Variants in TG observed in about 807,000 individuals in gnomAD.
The protein encoded by TG is thyroid hormones.
A neutral mutation model predicts 324.7 loss-of-function variants in TG; 270 were observed. The observed-to-expected ratio is 0.83, with a 90% CI of 0.75 to 0.92. The LOEUF (loss-of-function observed/expected upper bound fraction) is 0.92, where lower values mean the gene tolerates loss of function less well. TG is among the 40% of genes least tolerant of loss of function. TG has a pLI of 0.00. For synonymous variants in TG, 1,401 were observed against 1,327.0 expected (o/e 1.06, Z -1.21); for missense variants, 3,591 against 3,456.4 (o/e 1.04, Z -0.98).
intron 45 of TG, among the ~76,000 whole-genome samples, chr8:133,118,932 T>A (rs549659376): frequency 6.6e-6 from 1 of 152,230 alleles, no homozygotes; most frequent in African/African-American, 2.4e-5. Context: ...TCCTTATAGA[T>A]GAGAGCCAGA....
intron 27 of TG, among the ~76,000 whole-genome samples, chr8:132,952,445 G>C (rs1288990144): frequency 6.6e-6 from 1 of 152,158 alleles, no homozygotes; most frequent in Non-Finnish European, 1.5e-5. Flanking sequence ...GTGCTGGCAG[G>C]CTTCCCAGGC....
intron 2 of TG, among the ~76,000 whole-genome samples, chr8:132,868,750 T>C (rs1305709089): frequency 6.6e-6 from 1 of 152,186 alleles, no homozygotes; most frequent in Non-Finnish European, 1.5e-5. Flanking sequence ...GAAAGGGGTT[T>C]CTCCAGCTGC....
At chr8:133,006,712 A>G (rs766096613) in intron 35 of TG, among the ~76,000 whole-genome samples, 1 of 152,270 alleles carries the variant, frequency 6.6e-6, no homozygotes, top group Non-Finnish European at 1.5e-5. Context: ...TAACCACACA[A>G]CAAAGAGCCT....
intron 35 of TG, chr8:132,983,643 G>C: frequency 1.7e-6 from 1 of 598,830 alleles, no homozygotes; most frequent in East Asian, 2.9e-5. Context: ...AAATTATGTG[G>C]CTGATTGAAG....
rs1176570917 is a variant in TG at position 133,100,881 on chromosome 8, G to A, written c.7572+4508G>A. Among the ~76,000 whole-genome samples, 5 of 152,200 alleles carry A rather than the reference G, an allele frequency of 3.3e-5. No homozygotes were observed. In the South Asian group the frequency reaches 8.3e-4, roughly 25 times the overall value. ...AATAGCCTTAGGGGTTAGCCTAAGT[G>A]AAGTAACTCATGCTCTTACTTTACG... On this transcript the variant is annotated intron_variant, in intron 43 of 47. Transcript: ENST00000220616.
intron 35 of TG, among the ~76,000 whole-genome samples, chr8:133,001,088 C>A (rs971912599): frequency 1.9e-4 from 29 of 152,262 alleles, no homozygotes; most frequent in African/African-American, 6.5e-4. Flanking sequence ...CCCTTTTTTA[C>A]AAGGACACCA....
At position 132,969,934 on chromosome 8, in the gene TG, G is replaced by A. The variant is rs199776863; in HGVS notation, c.5975+365G>A. Reference sequence around the variant, plus strand: ...TCAAAAAAAAAAAAAAAAAAAAAAAGCACAAAAAACTATAAAATCCAAAGC... The same window carrying A: ...TCAAAAAAAAAAAAAAAAAAAAAAAACACAAAAAACTATAAAATCCAAAGC... On this transcript the variant is annotated intron_variant, in intron 32 of 47. Coordinates refer to ENST00000220616, the MANE Select transcript of TG (RefSeq NM_003235.5). Among the ~76,000 whole-genome samples the A allele has an allele frequency of 3.0e-3, 296 of 99,454 alleles. 1 individual carries two copies. Among genetic ancestry groups the A allele is most frequent in the African/African-American group, 9.4e-3 (246 of 26,100 alleles). 65.2% of individuals were successfully genotyped at this position (99,454 alleles called of 152,430 possible). A position where few individuals can be genotyped will look rare whatever the true frequency, so the allele number is the denominator to read the frequency against.
intron 43 of TG, among the ~76,000 whole-genome samples, chr8:133,097,101 A>C (rs897251303): frequency 6.6e-6 from 1 of 152,240 alleles, no homozygotes; most frequent in Non-Finnish European, 1.5e-5. Context: ...TAAAGCACAA[A>C]GAGAGGACAA....
Position 132,900,268 on chromosome 8 carries a change from G to C in TG, c.3362G>C (p.Gly1121Ala). 6.2e-7 allele frequency: 1 copy of C among 1,614,050 alleles called. No homozygotes were observed. The highest frequency in any genetic ancestry group is 2.2e-5 in the East Asian group (1 of 44,870). ...GAGTATGCCAGGCTGCAGGCATCGG[G>C]GGCTGGCACCTGGTGTGTGGACCCT... ...TGEYARLQAS[G>A]AGTWCVDPAS... is the part of the protein sequence containing the mutation. The change falls in exon 15 of 48, where the codon GGG (glycine) becomes GCG (alanine). Residue 1121 changes from glycine (G) to alanine (A), a missense_variant. Transcript: ENST00000220616.
chr8:132,900,146 T>C (rs1259331396), intron 14 of TG, 91 bp from the exon 15 acceptor site: 1 of 1,116,370 alleles, frequency 9.0e-7, no homozygotes, highest in Non-Finnish European at 1.3e-6. Flanking sequence ...CCTGTTGTTT[T>C]GGAAGGGACA....
intron 34 of TG, among the ~76,000 whole-genome samples, chr8:132,981,290 T>C (rs1044363912): frequency 6.6e-6 from 1 of 152,256 alleles, no homozygotes; most frequent in Non-Finnish European, 1.5e-5. Flanking sequence ...TCAGCATTTA[T>C]GTAGTTGCCA....
At chr8:132,928,722 C>G (rs928954420) in intron 22 of TG, among the ~76,000 whole-genome samples, 3 of 152,110 alleles carry the variant, frequency 2.0e-5, no homozygotes, top group Admixed American at 2.0e-4. Flanking sequence ...AAAGAAAATG[C>G]CAGTAAAATA....
intron 5 of TG, among the ~76,000 whole-genome samples, chr8:132,873,958 C>A (rs1839732518): frequency 6.6e-6 from 1 of 152,062 alleles, no homozygotes; most frequent in South Asian, 2.1e-4. Flanking sequence ...ATCATGAGGT[C>A]AGGGGTTGGA....
intron 20 of TG, among the ~76,000 whole-genome samples, chr8:132,918,447 TGCTCTGGGCA>T (rs1329592569): frequency 1.1e-4 from 17 of 152,214 alleles, no homozygotes; most frequent in Non-Finnish European, 1.9e-4. Flanking sequence ...GGATATTAAT[TGCTCTGGGCA>T]GACCAAAAAA....
intron 18 of TG, among the ~76,000 whole-genome samples, chr8:132,910,204 A>G (rs2132364396): frequency 6.6e-6 from 1 of 152,268 alleles, no homozygotes; most frequent in East Asian, 1.9e-4. Flanking sequence ...GATGGATGGC[A>G]TGCTACATTC....
intron 35 of TG, among the ~76,000 whole-genome samples, chr8:133,008,588 A>G (rs1834224861): frequency 6.6e-6 from 1 of 152,234 alleles, no homozygotes; most frequent in Non-Finnish European, 1.5e-5. Context: ...GTGAGCTTGG[A>G]AGCTGCTACC....
chr8:132,885,488 A>G (rs180219), intron 8 of TG, among the ~76,000 whole-genome samples: 80,240 of 151,702 alleles, frequency 0.53, 21,336 homozygotes, highest in East Asian at 0.59. Flanking sequence ...TATAATAGGA[A>G]CCACTAACAG....
rs191599861 is a variant in TG, at chr8:133,020,439, C to G, written c.6876+744C>G. On this transcript the variant is annotated intron_variant, in intron 39 of 47. Coordinates refer to ENST00000220616, the MANE Select transcript of TG (RefSeq NM_003235.5). ...TTCTTTCTGTGCCTTGCCCTTGCCT[C>G]AGCAGCCACAAGCCAAACGGCCTTT... Among the ~76,000 whole-genome samples, 161 of 152,322 alleles carry G rather than the reference C, an allele frequency of 1.1e-3. 3 individuals are homozygous for G. In the East Asian group the frequency reaches 0.028, roughly 26 times the overall value.
intron 41 of TG, among the ~76,000 whole-genome samples, chr8:133,033,490 C>T (rs929573096): frequency 1.3e-5 from 2 of 152,208 alleles, no homozygotes; most frequent in Non-Finnish European, 2.9e-5. Flanking sequence ...TGTTCTATGA[C>T]AGCGCCCCAA....
Sources: allele counts gnomAD v4.1 joint callset (sites outside exome capture counted in the v4.1 genomes callset), GRCh38; gene constraint gnomAD v4.1.1; transcripts MANE v1.5; gene names NCBI Gene and HGNC (gene_info 2026-07-23, HGNC 2026-07-21).